Variants in NANP observed in about 807,000 individuals in gnomAD.
The protein encoded by NANP is N-acetylneuraminic acid phosphatase.
Under a neutral mutation model 16.9 loss-of-function variants are expected in NANP, and 15 were observed. That is an observed-to-expected ratio of 0.89 (90% CI 0.59 to 1.37). The LOEUF (loss-of-function observed/expected upper bound fraction) is 1.37, where lower values mean the gene tolerates loss of function less well. NANP is among the 40% of genes most tolerant of loss of function. The pLI is 0.00. For missense variants in NANP, 290 were observed against 303.5 expected (o/e 0.96, Z 0.33); for synonymous variants, 135 against 112.6 (o/e 1.20, Z -1.26).
intron 1 of NANP, among the ~76,000 whole-genome samples, chr20:25,619,816 A>ATACAGACCCAATTTCCTACTGGCTCCCAG (rs1568988752): frequency 1.2e-4 from 19 of 152,192 alleles, no homozygotes; most frequent in African/African-American, 4.6e-4. Flanking sequence ...ATCAGCTCCT[A>ATACAGACCCAATTTCCTACTGGCTCCCAG]TACAGACCCA....
Position 25,623,995 on chromosome 20 carries a change from G to T in NANP, c.-47C>A. 3.8e-6 allele frequency: 6 copies of T among 1,583,036 alleles called. No homozygotes were observed. Among genetic ancestry groups the T allele is most frequent in the Non-Finnish European group, 5.2e-6 (6 of 1,158,134 alleles). On this transcript the variant is annotated 5_prime_UTR_variant, in exon 1 of 2. Coordinates refer to ENST00000304788, the MANE Select transcript of NANP (RefSeq NM_152667.3). ...CCGTAGCCTTGCCACCGCCGCCTGC[G>T]CATGCGCAAGGCGGACTGCCCAGAG...
chr20:25,622,063 G>C (rs553644595), intron 1 of NANP, among the ~76,000 whole-genome samples: 2 of 152,330 alleles, frequency 1.3e-5, no homozygotes, highest in Non-Finnish European at 2.9e-5. Flanking sequence ...AATATCCTTT[G>C]ACAGATGCAT....
At chr20:25,619,743 A>T (rs1600398137) in intron 1 of NANP, among the ~76,000 whole-genome samples, 1 of 152,330 alleles carries the variant, frequency 6.6e-6, no homozygotes, top group Middle Eastern at 3.4e-3. Context: ...ACCCTACAGC[A>T]GTGCAAGGAC....
chr20:25,620,554 C>T lies in NANP; in HGVS notation c.90+3305G>A, dbSNP rs138132029. Reference sequence around the variant, plus strand: ...GACTTTTTGAGGGCTTAGTTTGGAACCATCTAATACTTTACAACACTTTAA... The same window carrying T: ...GACTTTTTGAGGGCTTAGTTTGGAATCATCTAATACTTTACAACACTTTAA... On this transcript the variant is annotated intron_variant, in intron 1 of 1. Coordinates refer to ENST00000304788, the MANE Select transcript of NANP (RefSeq NM_152667.3). 6.6e-5 allele frequency among the ~76,000 whole-genome samples: 10 copies of T among 152,284 alleles called. No homozygotes were observed. The South Asian group carries it at 1.7e-3, about 25-fold the overall frequency.
At chr20:25,616,711 C>T in intron 1 of NANP, 130 bp from the exon 2 acceptor site, 1 of 702,108 alleles carries the variant, frequency 1.4e-6, no homozygotes, top group Non-Finnish European at 2.3e-6. Flanking sequence ...CTACTAACTA[C>T]ACCGTTTCTG....
chr20:25,623,759 C>G, intron 1 of NANP, 100 bp downstream of exon 1: 1 of 1,189,456 alleles, frequency 8.4e-7, no homozygotes, highest in Non-Finnish European at 1.2e-6. Flanking sequence ...GAGCGGCCCG[C>G]GGCGCCGGGG....
chr20:25,623,362 T>TCGG (rs2065374728), intron 1 of NANP, among the ~76,000 whole-genome samples: 1 of 152,208 alleles, frequency 6.6e-6, no homozygotes, highest in Admixed American at 6.5e-5. Flanking sequence ...AAAGCAGGGC[T>TCGG]TAAGTCCAGG....
intron 1 of NANP, 138 bp from the exon 2 acceptor site, chr20:25,616,719 C>G (rs2065345477): frequency 1.5e-6 from 1 of 675,682 alleles, no homozygotes; most frequent in South Asian, 2.2e-5. Flanking sequence ...TACACCGTTT[C>G]TGGTGGGAAT....
Position 25,615,204 on chromosome 20 carries a change from T to C in NANP, c.*721A>G, listed in dbSNP as rs1236049691. 6.6e-6 allele frequency: 1 copy of C among 152,478 alleles called. No individual in the cohort carries two copies. Among genetic ancestry groups the C allele is most frequent in the Non-Finnish European group, 1.5e-5 (1 of 68,038 alleles). The allele number at this position is 152,478 out of a possible 1,614,324, so 9.4% of individuals were successfully genotyped here. On this transcript the variant is annotated 3_prime_UTR_variant, in exon 2 of 2. Coordinates refer to ENST00000304788, the MANE Select transcript of NANP (RefSeq NM_152667.3). Reference sequence around the variant, plus strand: ...CTAAAAGGAAGCTACCGGCTCACTGTGCACAGGTGAGAAAATGTCACGGTA... The same window carrying C: ...CTAAAAGGAAGCTACCGGCTCACTGCGCACAGGTGAGAAAATGTCACGGTA...
chr20:25,617,665 C>T (rs1467483803), intron 1 of NANP, among the ~76,000 whole-genome samples: 3 of 151,920 alleles, frequency 2.0e-5, no homozygotes, highest in African/African-American at 7.3e-5. Context: ...TATAGGTGCC[C>T]GCCACCATGC....
intron 1 of NANP, among the ~76,000 whole-genome samples, chr20:25,620,951 T>A (rs2122209303): frequency 6.6e-6 from 1 of 152,236 alleles, no homozygotes; most frequent in East Asian, 1.9e-4. Context: ...CCGCCGCCAA[T>A]GGACCGTCTT....
chr20:25,615,412 A>T lies in NANP; in HGVS notation c.*513T>A, dbSNP rs1002133247. 1 of 152,288 alleles carries T rather than the reference A, an allele frequency of 6.6e-6. No individual in the cohort carries two copies. Among genetic ancestry groups the T allele is most frequent in the African/African-American group, 2.4e-5 (1 of 41,458 alleles). 9.4% of individuals were successfully genotyped at this position (152,288 alleles called of 1,614,324 possible). On this transcript the variant is annotated 3_prime_UTR_variant, in exon 2 of 2. Coordinates refer to ENST00000304788, the MANE Select transcript of NANP (RefSeq NM_152667.3). Reference sequence around the variant, plus strand: ...TATGGTTTATGTTTTCAAAATATGCAAAATAATTTCACTATATAATACCTT... The same window carrying T: ...TATGGTTTATGTTTTCAAAATATGCTAAATAATTTCACTATATAATACCTT...
intron 1 of NANP, among the ~76,000 whole-genome samples, chr20:25,617,239 T>C (rs1490193118): frequency 3.3e-5 from 5 of 152,112 alleles, no homozygotes; most frequent in African/African-American, 1.2e-4. Context: ...TGAGACACAG[T>C]CTCATTCTGT....
In NANP at chr20:25,623,954, C is replaced by G. The variant is rs2065380506; in HGVS notation, c.-6G>C. 1 of 1,611,598 alleles carries G rather than the reference C, an allele frequency of 6.2e-7. No individual in the cohort carries two copies. Among genetic ancestry groups the G allele is most frequent in the South Asian group, 1.1e-5 (1 of 90,960 alleles). Reference sequence around the variant, plus strand: ...CGCACGCGGCTCAGCCCCATAGCGCCGGCCGCTGGCGCGAACCGTAGCCTT... The same window carrying G: ...CGCACGCGGCTCAGCCCCATAGCGCGGGCCGCTGGCGCGAACCGTAGCCTT... On this transcript the variant is annotated 5_prime_UTR_variant, in exon 1 of 2. Coordinates refer to ENST00000304788, the MANE Select transcript of NANP (RefSeq NM_152667.3).
At chr20:25,623,503 G>T (rs990775294) in intron 1 of NANP, among the ~76,000 whole-genome samples, 6 of 152,208 alleles carry the variant, frequency 3.9e-5, no homozygotes, top group Non-Finnish European at 7.4e-5. Context: ...CAGTCTGACC[G>T]GGGGCGGGAC....
intron 1 of NANP, 36 bp downstream of exon 1, chr20:25,623,823 C>T: frequency 1.3e-6 from 2 of 1,594,254 alleles, no homozygotes; most frequent in Non-Finnish European, 1.7e-6. Context: ...GGCGCACTGA[C>T]CCCGCCCAGA....
At chr20:25,622,629 A>C (rs941419894) in intron 1 of NANP, among the ~76,000 whole-genome samples, 10 of 152,252 alleles carry the variant, frequency 6.6e-5, no homozygotes, top group Non-Finnish European at 1.3e-4. Context: ...AATATGGCAC[A>C]GGGTGGCACC....
chr20:25,616,347 T>C lies in NANP; in HGVS notation c.325A>G (p.Thr109Ala). 6.2e-7 allele frequency: 1 copy of C among 1,614,158 alleles called. No individual in the cohort carries two copies. The stretch of plus-strand genomic sequence containing the variant: ...ATGGCTTTGACGTCTTCTGCTAGTG[T>C]CATATGCTGTAAACGTGTAGATTTC... Reference protein sequence around the residue: ...LWKSTRLQHMTLAEDVKAMLT... With the variant: ...LWKSTRLQHMALAEDVKAMLT... Residue 109 changes from threonine to alanine, a missense_variant, in exon 2 of 2, where the codon ACA (threonine) becomes GCA (alanine). By Grantham distance (58) the Thr-to-Ala change is moderately conservative. Transcript: ENST00000304788.
rs1464746973 is a variant in NANP at position 25,616,555 on chromosome 20, G to A, written c.117C>T (p.Tyr39=). Residue 39 remains tyrosine, a synonymous_variant, in exon 2 of 2, where the codon TAC becomes TAT. Transcript: ENST00000304788. The stretch of plus-strand genomic sequence containing the variant: ...TGATTTCAGCCTCTTCTTTATAATG[G>A]TATTTTGATTGTAAGAGTTTTATCA... The part of the protein sequence containing the change: ...LEVIKLLQSK[Y]HYKEEAEIIC... 6.3e-7 allele frequency: 1 copy of A among 1,596,036 alleles called. No homozygotes were observed. The highest frequency in any genetic ancestry group is 1.1e-5 in the South Asian group (1 of 88,456).
Sources: gnomAD v4.1 joint callset for allele counts (sites outside exome capture counted in the v4.1 genomes callset) on GRCh38, gnomAD v4.1.1 for gene constraint, MANE v1.5 for transcripts, NCBI Gene and HGNC (gene_info 2026-07-23, HGNC 2026-07-21) for gene names.